Variants in SOX5 observed in about 807,000 individuals in gnomAD.
SOX5 encodes the protein SRY-box transcription factor 5, also known as transcription factor SOX-5.
SOX5 carries 9 observed loss-of-function variants against 92.0 expected under a neutral mutation model. The ratio of observed to expected loss-of-function variants is 0.10; its 90% CI spans 0.06 to 0.17. The LOEUF is 0.17. Ranked by LOEUF, SOX5 falls within the 10% of genes least tolerant of loss-of-function variation. The pLI is 1.00. For synonymous variants in SOX5, 344 were observed against 336.3 expected, an observed-to-expected ratio of 1.02 and a Z score of -0.25; for missense variants, 642 against 944.5, an observed-to-expected ratio of 0.68 and a Z score of 4.20.
intron 4 of SOX5, among the ~76,000 whole-genome samples, chr12:24,008,621 G>T (rs1256678838): frequency 2.6e-5 from 4 of 152,114 alleles, no homozygotes; most frequent in Non-Finnish European, 5.9e-5. Flanking sequence ...TTAAGTAAAA[G>T]AAATTATGGA....
intron 10 of SOX5, among the ~76,000 whole-genome samples, chr12:23,569,666 A>T (rs1409228078): frequency 6.6e-6 from 1 of 152,126 alleles, no homozygotes; most frequent in Non-Finnish European, 1.5e-5. Context: ...ACAGGCCTTC[A>T]TCCTTTCACT....
chr12:24,388,456 C>T (rs1052710496), intron 1 of SOX5, among the ~76,000 whole-genome samples: 5 of 152,078 alleles, frequency 3.3e-5, no homozygotes, highest in Admixed American at 6.5e-5. Flanking sequence ...TGTCAGAGCA[C>T]GGTGATGTCT....
At chr12:23,598,914 A>C (rs1314035134) in intron 9 of SOX5, among the ~76,000 whole-genome samples, 1 of 152,176 alleles carries the variant, frequency 6.6e-6, no homozygotes, top group Non-Finnish European at 1.5e-5. Context: ...TTCTCAATCA[A>C]GATGAATTTT....
intron 6 of SOX5, among the ~76,000 whole-genome samples, chr12:23,733,964 C>T (rs1355379864): frequency 6.6e-6 from 1 of 152,026 alleles, no homozygotes; most frequent in Non-Finnish European, 1.5e-5. Flanking sequence ...TTCTTTTAAC[C>T]CTCAAAAATC....
At chr12:23,858,095 GC>G (rs2096714971) in intron 2 of SOX5, among the ~76,000 whole-genome samples, 2 of 151,578 alleles carry the variant, frequency 1.3e-5, no homozygotes, top group African/African-American at 4.8e-5. Context: ...GTGTGTATAT[GC>G]AAGGCAGGTA....
intron 3 of SOX5, among the ~76,000 whole-genome samples, chr12:23,844,250 A>G (rs2096550833): frequency 2.6e-5 from 4 of 152,236 alleles, no homozygotes; most frequent in Non-Finnish European, 5.9e-5. Context: ...CCTACTGCAT[A>G]CAGGAAAATA....
chr12:24,193,652 T>G (rs1388339116), intron 4 of SOX5, among the ~76,000 whole-genome samples: 1 of 152,238 alleles, frequency 6.6e-6, no homozygotes, highest in Non-Finnish European at 1.5e-5. Context: ...AATTTGTACA[T>G]ATCAGTGAGG....
rs1329043827 is a variant in SOX5, at chr12:24,542,381, C to A, written c.-251+19948G>T. On this transcript the variant is annotated intron_variant, in intron 1 of 4. Coordinates refer to the SOX5 transcript ENST00000446891. ...GGGACTTTCAGAATAAAACAGGCTA[C>A]TCTATGTATCCTTACAGCTGCCTGT... Among the ~76,000 whole-genome samples, 5 of 152,358 alleles carry A rather than the reference C, an allele frequency of 3.3e-5. No homozygotes were observed. The East Asian group carries it at 9.6e-4, about 29-fold the overall frequency.
chr12:24,131,862 G>A (rs1170106635), intron 4 of SOX5, among the ~76,000 whole-genome samples: 1 of 152,120 alleles, frequency 6.6e-6, no homozygotes, highest in African/African-American at 2.4e-5. Context: ...TCACAGGATG[G>A]TTGGGTACAA....
At chr12:23,966,177 A>ATTTC (rs1218611317) in intron 4 of SOX5, among the ~76,000 whole-genome samples, 1 of 118,588 alleles carries the variant, frequency 8.4e-6, no homozygotes, top group Non-Finnish European at 1.7e-5. Context: ...GCCTCCCCAG[A>ATTTC]TTTCTTCAGA....
chr12:24,174,332 T>C (rs1315205242), intron 4 of SOX5, among the ~76,000 whole-genome samples: 1 of 151,978 alleles, frequency 6.6e-6, no homozygotes, highest in Non-Finnish European at 1.5e-5. Flanking sequence ...CTTAGATGAG[T>C]TTTAGATTCA....
intron 1 of SOX5, among the ~76,000 whole-genome samples, chr12:23,905,954 C>G (rs1159880431): frequency 6.6e-6 from 1 of 152,124 alleles, no homozygotes; most frequent in Non-Finnish European, 1.5e-5. Context: ...AACATTTGGT[C>G]ACAGAGTCTC....
rs184818493 is a variant in SOX5 at position 23,898,523 on chromosome 12, T to C, written c.39-2499A>G. Among the ~76,000 whole-genome samples, 37 of 152,316 alleles carry C rather than the reference T, an allele frequency of 2.4e-4. No individual in the cohort carries two copies. In the Middle Eastern group the frequency reaches 0.01, roughly 42 times the overall value. ...TTGATTTCTACTTTATTAATATCAT[T>C]ATTAACATCAATTATGAAAACTGAA... On this transcript the variant is annotated intron_variant, in intron 1 of 14. Transcript: ENST00000451604.
At chr12:23,806,050 C>A (rs1003057002) in intron 3 of SOX5, among the ~76,000 whole-genome samples, 1 of 152,150 alleles carries the variant, frequency 6.6e-6, no homozygotes, top group Non-Finnish European at 1.5e-5. Flanking sequence ...TGAGTAACTA[C>A]ATTTTTTTCT....
intron 3 of SOX5, among the ~76,000 whole-genome samples, chr12:23,810,165 C>T (rs1231553548): frequency 6.6e-6 from 1 of 152,014 alleles, no homozygotes; most frequent in Admixed American, 6.6e-5. Flanking sequence ...TGATATCTCG[C>T]CTTTTTATGC....
chr12:23,893,444 C>CAA (rs527851709), intron 2 of SOX5, among the ~76,000 whole-genome samples: 5 of 136,956 alleles, frequency 3.7e-5, no homozygotes, highest in Non-Finnish European at 6.3e-5. Flanking sequence ...GACTCCATCT[C>CAA]AAAAAAAAAA....
intron 2 of SOX5, among the ~76,000 whole-genome samples, chr12:24,298,163 T>G (rs1459108160): frequency 6.6e-6 from 1 of 152,074 alleles, no homozygotes; most frequent in East Asian, 1.9e-4. Context: ...ACCTCCTGGT[T>G]TCAAGCGATC....
chr12:24,273,076 T>C (rs1178136073), intron 3 of SOX5, among the ~76,000 whole-genome samples: 1 of 152,076 alleles, frequency 6.6e-6, no homozygotes, highest in Non-Finnish European at 1.5e-5. Context: ...CTACTAAAAG[T>C]ATAAAAGAAA....
intron 4 of SOX5, among the ~76,000 whole-genome samples, chr12:24,169,763 C>CA (rs1329460352): frequency 7.2e-5 from 11 of 152,324 alleles, no homozygotes; most frequent in Admixed American, 5.9e-4. Flanking sequence ...TTATTCCCCT[C>CA]AAAGATATCA....
Sources: gnomAD v4.1 joint callset for allele counts (sites outside exome capture counted in the v4.1 genomes callset) on GRCh38, gnomAD v4.1.1 for gene constraint, MANE v1.5 for transcripts, NCBI Gene and HGNC (gene_info 2026-07-23, HGNC 2026-07-21) for gene names.